Variants in PIK3R5 observed in about 807,000 individuals in gnomAD.
PIK3R5 encodes the protein phosphoinositide 3-kinase regulatory subunit 5.
A neutral mutation model predicts 94.9 loss-of-function variants in PIK3R5; 32 were observed. The observed-to-expected ratio is 0.34, with a 90% CI of 0.25 to 0.45. The LOEUF (loss-of-function observed/expected upper bound fraction) is 0.45, where lower values mean the gene tolerates loss of function less well. PIK3R5 is among the 20% of genes least tolerant of loss of function. The probability of loss-of-function intolerance (pLI) is 1.00; values close to 1 mark genes in which losing one functional copy is unlikely to be tolerated. For missense variants in PIK3R5, 853 were observed against 1,144.6 expected (o/e 0.75, Z 3.68); for synonymous variants, 443 against 479.4 (o/e 0.92, Z 0.99).
intron 1 of PIK3R5, among the ~76,000 whole-genome samples, chr17:8,915,229 C>T (rs1290941673): frequency 6.6e-6 from 1 of 151,880 alleles, no homozygotes; most frequent in Non-Finnish European, 1.5e-5. Context: ...TTGAGACCAG[C>T]CTGGCCAACA....
rs1407265662 is a variant in PIK3R5 at position 8,893,906 on chromosome 17, G to T, written c.413-251C>A. Reference sequence around the variant, plus strand: ...CCAAAACTCGGTCCTGGGCCTCGCTGTCCTCTGGATTCCCGTGGCCTCTCT... The same window carrying T: ...CCAAAACTCGGTCCTGGGCCTCGCTTTCCTCTGGATTCCCGTGGCCTCTCT... On this transcript the variant is annotated intron_variant, in intron 5 of 18. Coordinates refer to ENST00000447110, the MANE Select transcript of PIK3R5 (RefSeq NM_001142633.3). This position sits in a 1 kb window ranked among gnomAD's most constrained non-coding sequence, Gnocchi z 5.1. The T allele has an allele frequency of 1.4e-5, 5 of 366,052 alleles. No homozygotes were observed. Among genetic ancestry groups the T allele is most frequent in the Non-Finnish European group, 2.5e-5 (5 of 197,396 alleles). 22.7% of individuals were successfully genotyped at this position (366,052 alleles called of 1,614,324 possible). A position where few individuals can be genotyped will look rare whatever the true frequency, so the allele number is the denominator to read the frequency against.
rs1451381640 is a variant in PIK3R5, at chr17:8,955,306, C to A, written c.-14+10290G>T. ...ATTGAATGACAAGTGCTGGCCCCTG[C>A]AAGGCACTGGAGAGTCAGCACTGAA... is the stretch of plus-strand genomic sequence containing the variant. On this transcript the variant is annotated intron_variant, in intron 1 of 18. Transcript: ENST00000447110. This position sits in a 1 kb window ranked among gnomAD's most constrained non-coding sequence, Gnocchi z 4.4. Among the ~76,000 whole-genome samples, 1 of 152,210 alleles carries A rather than the reference C, an allele frequency of 6.6e-6. No individual in the cohort carries two copies. Among genetic ancestry groups the A allele is most frequent in the East Asian group, 1.9e-4 (1 of 5,200 alleles).
chr17:8,962,318 T>C (rs1057467292), intron 1 of PIK3R5, among the ~76,000 whole-genome samples: 3 of 152,172 alleles, frequency 2.0e-5, no homozygotes, highest in Non-Finnish European at 4.4e-5. Flanking sequence ...AGCATGAATG[T>C]ACAAAAAGAC....
Position 8,925,638 on chromosome 17 carries a change from C to T in PIK3R5, c.-13-14131G>A, listed in dbSNP as rs148923602. On this transcript the variant is annotated intron_variant, in intron 1 of 18. Coordinates refer to ENST00000447110, the MANE Select transcript of PIK3R5 (RefSeq NM_001142633.3). This position sits in a 1 kb window ranked among gnomAD's most constrained non-coding sequence, Gnocchi z 5.1. ...CTGACAAGCCAGAATGAGGGATTGA[C>T]ATTATGTCTAAATCAGATGGAAATG... 1.5e-3 allele frequency among the ~76,000 whole-genome samples: 226 copies of T among 152,308 alleles called. 1 individual carries two copies. The highest frequency in any genetic ancestry group is 4.7e-3 in the African/African-American group (196 of 41,552).
chr17:8,914,422 C>T (rs377528093), intron 1 of PIK3R5, among the ~76,000 whole-genome samples: 2 of 152,286 alleles, frequency 1.3e-5, no homozygotes, highest in South Asian at 2.1e-4. Context: ...CTAAGAGCCA[C>T]GGAGTATTGT....
chr17:8,938,372 T>C (rs774090653), intron 1 of PIK3R5, among the ~76,000 whole-genome samples: 15 of 152,244 alleles, frequency 9.9e-5, no homozygotes. Flanking sequence ...TTTTTACTTT[T>C]TTTCTTGAGC....
rs939043335 is a variant in PIK3R5, at chr17:8,880,162, G to A, written c.*477C>T. ...TGCAGGGAGAGGTGGTCTTGAAGTA[G>A]AGAAATGTTTCATCCACATTTCAAT... On this transcript the variant is annotated 3_prime_UTR_variant, in exon 19 of 19. Transcript: ENST00000447110. The A allele has an allele frequency of 1.3e-5, 2 of 153,890 alleles. No homozygotes were observed. Among genetic ancestry groups the A allele is most frequent in the African/African-American group, 4.8e-5 (2 of 41,462 alleles). 9.5% of individuals were successfully genotyped at this position (153,890 alleles called of 1,614,324 possible). A position where few individuals can be genotyped will look rare whatever the true frequency, so the allele number is the denominator to read the frequency against.
At position 8,890,055 on chromosome 17, in the gene PIK3R5, G is replaced by A. The variant is rs200469610; in HGVS notation, c.729C>T (p.Ile243=). ...ACCGCCGGGCCTCTGCAGCATCCCC[G>A]ATGCCAGATGCCAGCTCCTGTGCCT... ...TAEAQELASG[I]GDAAEARRWL... is the part of the protein sequence containing the mutation. Residue 243 remains isoleucine (I), a synonymous_variant, in exon 8 of 19, where the codon ATC becomes ATT. Coordinates refer to ENST00000447110, the MANE Select transcript of PIK3R5 (RefSeq NM_001142633.3). This position sits in a 1 kb window ranked among gnomAD's most constrained non-coding sequence, Gnocchi z 6.1. 9 of 1,613,878 alleles carry A rather than the reference G, an allele frequency of 5.6e-6. No homozygotes were observed. The highest frequency in any genetic ancestry group is 2.7e-5 in the African/African-American group (2 of 74,880).
In PIK3R5 at chr17:8,925,516, GGATA is replaced by G. The variant is rs141072056; in HGVS notation, c.-13-14013_-13-14010del. On this transcript the variant is annotated intron_variant, in intron 1 of 18. Transcript: ENST00000447110. This position sits in a 1 kb window ranked among gnomAD's most constrained non-coding sequence, Gnocchi z 5.1. The stretch of plus-strand genomic sequence containing the variant: ...GATAGTAGATGGATAGATAGTAGAT[GGATA>G]GATAGATAGATAGTAGATAGATAGT... 0.031 allele frequency among the ~76,000 whole-genome samples: 4,599 copies of G among 147,514 alleles called. 203 individuals are homozygous for G. The highest frequency in any genetic ancestry group is 0.098 in the African/African-American group (3,777 of 38,512).
chr17:8,883,317 A>G (rs2089726854), intron 15 of PIK3R5, among the ~76,000 whole-genome samples: 1 of 152,210 alleles, frequency 6.6e-6, no homozygotes, highest in Non-Finnish European at 1.5e-5. Context: ...GCAGTGAGCC[A>G]AGATTGAGCC....
rs140400713 is a variant in PIK3R5 at position 8,929,269 on chromosome 17, T to C, written c.-13-17762A>G. Among the ~76,000 whole-genome samples the C allele has an allele frequency of 7.3e-4, 111 of 152,306 alleles. 1 individual carries two copies. The East Asian group carries it at 0.019, about 26-fold the overall frequency. ...CCAATTAAAAGACAGAGATTTGTAG[T>C]GAATTATAAAACATAACCCAACCAT... On this transcript the variant is annotated intron_variant, in intron 1 of 18. Transcript: ENST00000447110.
At chr17:8,898,803 T>C (rs1027927848) in intron 5 of PIK3R5, among the ~76,000 whole-genome samples, 1 of 152,218 alleles carries the variant, frequency 6.6e-6, no homozygotes, top group African/African-American at 2.4e-5. Flanking sequence ...AGTGACGAAG[T>C]GTAGGTCTCT....
At chr17:8,920,138 C>T (rs1242499466) in intron 1 of PIK3R5, among the ~76,000 whole-genome samples, 2 of 152,106 alleles carry the variant, frequency 1.3e-5, no homozygotes, top group East Asian at 1.9e-4. Context: ...CCTGCCTCGG[C>T]CTCCCAAAGT....
At chr17:8,960,524 C>T (rs978173647) in intron 1 of PIK3R5, among the ~76,000 whole-genome samples, 5 of 152,246 alleles carry the variant, frequency 3.3e-5, no homozygotes, top group African/African-American at 1.2e-4. Context: ...ACAGAAGGTG[C>T]GCTCCATGCA....
intron 1 of PIK3R5, among the ~76,000 whole-genome samples, chr17:8,949,628 T>C (rs549266738): frequency 3.9e-5 from 6 of 152,238 alleles, no homozygotes; most frequent in South Asian, 4.2e-4. Flanking sequence ...CTGAATAGGA[T>C]TGGACACTAT....
In PIK3R5 at chr17:8,881,699, C is replaced by T; in HGVS notation, c.2313G>A (p.Glu771=). Reference sequence around the variant, plus strand: ...CTTCTGTCAGGTTTAGCGTCAGGGCCTCCATGCTGGAATCTGAGGGGCAAG... The same window carrying T: ...CTTCTGTCAGGTTTAGCGTCAGGGCTTCCATGCTGGAATCTGAGGGGCAAG... ...RKQEELDSSM[E]ALTLNLTEVV... Residue 771 remains glutamate (E), a synonymous_variant, in exon 17 of 19, where the codon GAG becomes GAA. Transcript: ENST00000447110. This position sits in a 1 kb window ranked among gnomAD's most constrained non-coding sequence, Gnocchi z 4.8. The T allele has an allele frequency of 6.2e-7, 1 of 1,614,026 alleles. No homozygotes were observed. The highest frequency in any genetic ancestry group is 1.1e-5 in the South Asian group (1 of 91,042).
chr17:8,899,809 G>C (rs977745949), intron 5 of PIK3R5, among the ~76,000 whole-genome samples: 1 of 152,188 alleles, frequency 6.6e-6, no homozygotes, highest in African/African-American at 2.4e-5. Context: ...GGAGGCCGAG[G>C]TGGGCGGCTC....
At chr17:8,891,632 T>C (rs1047823844) in intron 6 of PIK3R5, among the ~76,000 whole-genome samples, 20 of 151,674 alleles carry the variant, frequency 1.3e-4, no homozygotes, top group Middle Eastern at 3.4e-3. Flanking sequence ...GTCTTGTTCT[T>C]GTCACCCAGG....
At chr17:8,959,950 G>A (rs956402228) in intron 1 of PIK3R5, among the ~76,000 whole-genome samples, 31 of 152,184 alleles carry the variant, frequency 2.0e-4, no homozygotes, top group Non-Finnish European at 2.6e-4. Flanking sequence ...CAAATGCAGA[G>A]GGCTCCTGAG....
Sources: gnomAD v4.1 joint callset for allele counts (sites outside exome capture counted in the v4.1 genomes callset) on GRCh38, gnomAD v4.1.1 for gene constraint, Gnocchi (gnomAD v3.1) non-coding constraint, MANE v1.5 for transcripts, NCBI Gene and HGNC (gene_info 2026-07-23, HGNC 2026-07-21) for gene names.